Variants in ZFPM2 observed in about 807,000 individuals in gnomAD.
ZFPM2 encodes the protein zinc finger protein ZFPM2.
ZFPM2 carries 20 observed loss-of-function variants against 98.6 expected under a neutral mutation model. The observed-to-expected ratio is 0.20, with a 90% CI of 0.14 to 0.29. The LOEUF is 0.29. Ranked by LOEUF, ZFPM2 falls within the 10% of genes least tolerant of loss-of-function variation. ZFPM2 has a pLI of 1.00. For synonymous variants in ZFPM2, 518 were observed against 502.7 expected, an observed-to-expected ratio of 1.03 and a Z score of -0.41; for missense variants, 1,310 against 1,388.6, an observed-to-expected ratio of 0.94 and a Z score of 0.90.
chr8:105,404,552 A>C (rs1375442340), intron 1 of ZFPM2, among the ~76,000 whole-genome samples: 2 of 152,194 alleles, frequency 1.3e-5, no homozygotes, highest in African/African-American at 2.4e-5. Flanking sequence ...GCAGTTCTTA[A>C]GTACTTTTAC....
At chr8:105,441,434 AAG>A (rs35365518) in intron 2 of ZFPM2, among the ~76,000 whole-genome samples, 22 of 95,028 alleles carry the variant, frequency 2.3e-4, no homozygotes, top group Non-Finnish European at 3.6e-4. Context: ...GAAAGAAAGA[AAG>A]AGAGAGAGAG....
chr8:105,324,366 A>C (rs1812079971), intron 1 of ZFPM2, among the ~76,000 whole-genome samples: 1 of 151,590 alleles, frequency 6.6e-6, no homozygotes. Flanking sequence ...AGTTAAGGTA[A>C]CTCATTTTTC....
intron 1 of ZFPM2, among the ~76,000 whole-genome samples, chr8:105,335,918 C>T (rs1812316743): frequency 6.6e-6 from 1 of 151,692 alleles, no homozygotes; most frequent in African/African-American, 2.4e-5. Context: ...TGTATTAGCC[C>T]AGAGGTCTGA....
intron 3 of ZFPM2, among the ~76,000 whole-genome samples, chr8:105,464,697 G>A (rs1345689561): frequency 2.6e-5 from 4 of 151,664 alleles, no homozygotes; most frequent in Non-Finnish European, 5.9e-5. Flanking sequence ...AGTTCCAGCC[G>A]AGATCAAAGC....
Position 105,745,285 on chromosome 8 carries a change from T to C in ZFPM2, c.533-43433T>C, listed in dbSNP as rs1429932931. On this transcript the variant is annotated intron_variant, in intron 5 of 7. Coordinates refer to ENST00000407775, the MANE Select transcript of ZFPM2 (RefSeq NM_012082.4). Reference sequence around the variant, plus strand: ...AATAAATGTTTGTTGAATTGAATTGTCTTAAATGTTTCAGTTCTTCAGATA... The same window carrying C: ...AATAAATGTTTGTTGAATTGAATTGCCTTAAATGTTTCAGTTCTTCAGATA... 3.9e-5 allele frequency among the ~76,000 whole-genome samples: 6 copies of C among 152,270 alleles called. No individual in the cohort carries two copies. In the East Asian group the frequency reaches 1.2e-3, roughly 30 times the overall value.
At chr8:105,776,591 A>G (rs187451088) in intron 5 of ZFPM2, among the ~76,000 whole-genome samples, 107 of 152,348 alleles carry the variant, frequency 7.0e-4, no homozygotes, top group East Asian at 2.1e-3. Context: ...TTCATAGGCT[A>G]TAAACAATTC....
chr8:105,649,407 C>A (rs1817122292), intron 5 of ZFPM2, among the ~76,000 whole-genome samples: 1 of 152,222 alleles, frequency 6.6e-6, no homozygotes, highest in East Asian at 1.9e-4. Context: ...CCAGAACTTC[C>A]AACACTATGT....
chr8:105,426,491 C>G (rs1273145901), intron 2 of ZFPM2, among the ~76,000 whole-genome samples: 1 of 152,146 alleles, frequency 6.6e-6, no homozygotes, highest in Non-Finnish European at 1.5e-5. Context: ...ACCTCCCCCT[C>G]CCTCCACATG....
chr8:105,524,512 C>T (rs1484612313), intron 3 of ZFPM2, among the ~76,000 whole-genome samples: 1 of 151,962 alleles, frequency 6.6e-6, no homozygotes, highest in Non-Finnish European at 1.5e-5. Context: ...CACACACACA[C>T]ACACACTGAA....
At chr8:105,325,838 G>C (rs1812103899) in intron 1 of ZFPM2, among the ~76,000 whole-genome samples, 1 of 151,718 alleles carries the variant, frequency 6.6e-6, no homozygotes, top group Admixed American at 6.6e-5. Flanking sequence ...TAAAGTTTTA[G>C]TAATTTGTGC....
intron 1 of ZFPM2, among the ~76,000 whole-genome samples, chr8:105,334,820 T>G (rs1370273857): frequency 6.6e-6 from 1 of 151,670 alleles, no homozygotes; most frequent in African/African-American, 2.4e-5. Context: ...GGGCCCAATG[T>G]GTTGCTCTTT....
At chr8:105,506,758 C>T (rs982185475) in intron 3 of ZFPM2, among the ~76,000 whole-genome samples, 6 of 152,024 alleles carry the variant, frequency 3.9e-5, no homozygotes, top group Non-Finnish European at 2.9e-5. Context: ...GAGGCTGAGG[C>T]GGGCGGATCA....
chr8:105,587,170 G>C (rs146715359), intron 4 of ZFPM2, among the ~76,000 whole-genome samples: 2 of 151,200 alleles, frequency 1.3e-5, no homozygotes, highest in South Asian at 4.2e-4. Context: ...CCAGCTACTC[G>C]GGAGGCTGAG....
At chr8:105,725,630 T>A (rs1213544312) in intron 5 of ZFPM2, among the ~76,000 whole-genome samples, 1 of 151,710 alleles carries the variant, frequency 6.6e-6, no homozygotes, top group Non-Finnish European at 1.5e-5. Context: ...ATTTGAGCAA[T>A]GGTCTAATTT....
intron 1 of ZFPM2, among the ~76,000 whole-genome samples, chr8:105,366,789 A>G (rs1301446361): frequency 1.3e-5 from 2 of 151,368 alleles, no homozygotes; most frequent in East Asian, 3.9e-4. Context: ...TTGCCCATGA[A>G]GTCCTTGCCC....
At chr8:105,589,391 C>T (rs1586483045) in intron 4 of ZFPM2, among the ~76,000 whole-genome samples, 1 of 152,274 alleles carries the variant, frequency 6.6e-6, no homozygotes, top group East Asian at 1.9e-4. Context: ...TATGGCTATA[C>T]TTTATATATA....
At chr8:105,666,233 A>AGGCCCT (rs112299678) in intron 5 of ZFPM2, among the ~76,000 whole-genome samples, 12,606 of 152,100 alleles carry the variant, frequency 0.083, 1,670 homozygotes, top group African/African-American at 0.28. Flanking sequence ...CTATTGTTTC[A>AGGCCCT]GGCCCTCTTT....
intron 3 of ZFPM2, among the ~76,000 whole-genome samples, chr8:105,447,470 A>G (rs761240276): frequency 6.6e-5 from 10 of 152,134 alleles, no homozygotes; most frequent in Non-Finnish European, 1.3e-4. Context: ...TGAGTCTTGA[A>G]GCCGAACCTT....
At chr8:105,726,448 CA>C (rs1287958752) in intron 5 of ZFPM2, among the ~76,000 whole-genome samples, 1 of 151,706 alleles carries the variant, frequency 6.6e-6, no homozygotes, top group African/African-American at 2.4e-5. Context: ...AAGAAGTCAG[CA>C]AAGAACAACT....
Sources: gnomAD v4.1 joint callset for allele counts (sites outside exome capture counted in the v4.1 genomes callset) on GRCh38, gnomAD v4.1.1 for gene constraint, MANE v1.5 for transcripts, NCBI Gene and HGNC (gene_info 2026-07-23, HGNC 2026-07-21) for gene names.